HACE1: variants seen among roughly 807,000 people sequenced by gnomAD.
The protein encoded by HACE1 is E3 ubiquitin-protein ligase HACE1.
Under a neutral mutation model 118.4 loss-of-function variants are expected in HACE1, and 73 were observed. That is an observed-to-expected ratio of 0.62 (90% CI 0.51 to 0.75). The LOEUF (loss-of-function observed/expected upper bound fraction) is 0.75. HACE1 is among the 30% of genes least tolerant of loss of function. The pLI is 0.00. For missense variants in HACE1, 749 were observed against 1,102.2 expected (o/e 0.68, Z 4.54); for synonymous variants, 368 against 374.8 (o/e 0.98, Z 0.21).
Position 104,800,204 on chromosome 6 carries a change from G to A in HACE1, c.618-3179C>T, listed in dbSNP as rs970493939. On this transcript the variant is annotated intron_variant, in intron 7 of 23. Transcript: ENST00000262903. ...TGGGGCTTGAGTAGGTAAACAAAGC[G>A]ACAGGGAAGCTCAAACTAGGCGGAG... Among the ~76,000 whole-genome samples the A allele has an allele frequency of 3.9e-5, 6 of 152,080 alleles. No homozygotes were observed. In the East Asian group the frequency reaches 7.8e-4, roughly 20 times the overall value.
intron 6 of HACE1, among the ~76,000 whole-genome samples, chr6:104,816,661 C>A (rs973917416): frequency 3.3e-5 from 5 of 152,168 alleles, no homozygotes; most frequent in African/African-American, 9.7e-5. Flanking sequence ...GAACCCCATA[C>A]AGGGCACTGT....
chr6:104,730,744 G>A (rs1775112772), intron 22 of HACE1: 1 of 305,432 alleles, frequency 3.3e-6, no homozygotes, highest in Non-Finnish European at 6.3e-6. Context: ...TGATTTGAGG[G>A]CCCAAACAAG....
chr6:104,736,145 T>A (rs1267334694), intron 22 of HACE1, among the ~76,000 whole-genome samples: 1 of 151,774 alleles, frequency 6.6e-6, no homozygotes, highest in Non-Finnish European at 1.5e-5. Flanking sequence ...TATTTTTTCA[T>A]CCTTTTTATT....
chr6:104,730,312 G>C lies in HACE1; in HGVS notation c.2618C>G (p.Ser873Ter). ...VPYTPNLLPT[S>*]STCINMLKLP... ...AACCAAGTCAACATACCATGTGCTTGAAGTTGGTAAAAGATTTGGAGTATA... is the reference window on the plus strand; with the variant it reads ...AACCAAGTCAACATACCATGTGCTTCAAGTTGGTAAAAGATTTGGAGTATA... The change falls in exon 23 of 24, where the codon TCA (serine) becomes TGA (stop). Residue 873 changes from serine to a stop codon, truncating the protein, a stop_gained. Transcript: ENST00000262903. LOFTEE classifies it high-confidence loss of function. The C allele has an allele frequency of 6.8e-7, 1 of 1,471,674 alleles. No individual in the cohort carries two copies. Among genetic ancestry groups the C allele is most frequent in the South Asian group, 1.1e-5 (1 of 88,284 alleles). The allele number at this position is 1,471,674 out of a possible 1,614,324, so 91.2% of individuals were successfully genotyped here.
At position 104,802,327 on chromosome 6, in the gene HACE1, G is replaced by T. The variant is rs143724149; in HGVS notation, c.618-5302C>A. ...GATCAACATGACAGAAGGCTAACAA[G>T]GATATCCAGGAATTGAACTCAGCTC... On this transcript the variant is annotated intron_variant, in intron 7 of 23. Transcript: ENST00000262903. 5.2e-3 allele frequency among the ~76,000 whole-genome samples: 798 copies of T among 152,226 alleles called. 12 individuals are homozygous for T. Among genetic ancestry groups the T allele is most frequent in the African/African-American group, 0.018 (768 of 41,522 alleles).
At chr6:104,758,566 T>G (rs1287861682) in intron 19 of HACE1, among the ~76,000 whole-genome samples, 2 of 151,944 alleles carry the variant, frequency 1.3e-5, no homozygotes, top group African/African-American at 4.8e-5. Context: ...ACATGGAAAG[T>G]AACAACCGGT....
rs79936023 is a variant in HACE1, at chr6:104,814,806, C to T, written c.535-3413G>A. Among the ~76,000 whole-genome samples, 459 of 137,572 alleles carry T rather than the reference C, an allele frequency of 3.3e-3. 100 individuals carry two copies. Among genetic ancestry groups the T allele is most frequent in the African/African-American group, 0.013 (445 of 34,264 alleles). The allele number at this position is 137,572 out of a possible 152,430, so 90.3% of individuals were successfully genotyped here. ...CACATCCCCCCTCACGCTCTTTCTC[C>T]CTCTCTCCTGCCACCATCTGAAGAA... On this transcript the variant is annotated intron_variant, in intron 6 of 23. Transcript: ENST00000262903.
At chr6:104,852,284 T>G in intron 2 of HACE1, 33 bp downstream of exon 2, 1 of 1,550,020 alleles carries the variant, frequency 6.5e-7, no homozygotes, top group Non-Finnish European at 8.9e-7. Context: ...GTATGCTTCT[T>G]AAAAAGCAAA....
At chr6:104,784,653 T>C (rs1782150494) in intron 12 of HACE1, among the ~76,000 whole-genome samples, 168 bp from the exon 13 acceptor site, 1 of 152,138 alleles carries the variant, frequency 6.6e-6, no homozygotes, top group Non-Finnish European at 1.5e-5. Flanking sequence ...CCTAGCCAAT[T>C]TGTAAAATGA....
At chr6:104,854,689 A>C (rs772335573) in intron 1 of HACE1, among the ~76,000 whole-genome samples, 10 of 152,260 alleles carry the variant, frequency 6.6e-5, no homozygotes, top group Non-Finnish European at 1.3e-4. Flanking sequence ...TTATTTCAAG[A>C]TAATACAATA....
chr6:104,737,133 A>C (rs1456556292), intron 22 of HACE1, among the ~76,000 whole-genome samples: 16 of 151,512 alleles, frequency 1.1e-4, no homozygotes, highest in Middle Eastern at 6.8e-3. Flanking sequence ...AAAAAAAAAA[A>C]ATACAAAAAT....
At chr6:104,789,154 A>C (rs1471856205) in intron 11 of HACE1, among the ~76,000 whole-genome samples, 1 of 152,134 alleles carries the variant, frequency 6.6e-6, no homozygotes, top group Non-Finnish European at 1.5e-5. Flanking sequence ...GACAATGTAC[A>C]GTTTCTATTT....
At chr6:104,736,423 C>CTGT (rs1775841451) in intron 22 of HACE1, among the ~76,000 whole-genome samples, 1 of 151,936 alleles carries the variant, frequency 6.6e-6, no homozygotes, top group Non-Finnish European at 1.5e-5. Flanking sequence ...TAGCTGGGAC[C>CTGT]ACAGGCATGC....
chr6:104,729,614 G>T lies in HACE1; in HGVS notation c.*48C>A. ...GTTGACATTTTCCCAAATTACTTCTGCCATTCTGAATTGTGCATCAGTAGT... is the reference window on the plus strand; with the variant it reads ...GTTGACATTTTCCCAAATTACTTCTTCCATTCTGAATTGTGCATCAGTAGT... On this transcript the variant is annotated 3_prime_UTR_variant, in exon 24 of 24. Transcript: ENST00000262903. 1 of 919,784 alleles carries T rather than the reference G, an allele frequency of 1.1e-6. No homozygotes were observed. 57.0% of individuals were successfully genotyped at this position (919,784 alleles called of 1,614,324 possible).
chr6:104,754,650 G>T (rs956339357), intron 19 of HACE1, among the ~76,000 whole-genome samples: 1 of 152,168 alleles, frequency 6.6e-6, no homozygotes. Context: ...TTAAAGAAAA[G>T]AATTTCCAAC....
chr6:104,850,088 T>G (rs1241700472), intron 3 of HACE1, among the ~76,000 whole-genome samples: 4 of 152,058 alleles, frequency 2.6e-5, no homozygotes, highest in African/African-American at 9.6e-5. Context: ...TAGCTGGGAT[T>G]ACAGGCGCAC....
chr6:104,844,136 CAA>C (rs1775391211), intron 4 of HACE1, among the ~76,000 whole-genome samples: 1 of 145,210 alleles, frequency 6.9e-6, no homozygotes, highest in Middle Eastern at 3.7e-3. Flanking sequence ...CTCCCAGGTT[CAA>C]GTGATTCTCT....
rs1776098865 is a variant in HACE1, at chr6:104,737,859, T to C, written c.2513+6301A>G. On this transcript the variant is annotated intron_variant, in intron 22 of 23. Coordinates refer to ENST00000262903, the MANE Select transcript of HACE1 (RefSeq NM_020771.4). The stretch of plus-strand genomic sequence containing the variant: ...AGGAGGCCTGCCTGCCTCTGTAGGC[T>C]CCACCTCTGGGGGCAGGGCACAGAC... 3.9e-5 allele frequency among the ~76,000 whole-genome samples: 6 copies of C among 152,300 alleles called. No homozygotes were observed. The South Asian group carries it at 6.2e-4, about 16-fold the overall frequency.
At chr6:104,761,872 T>A (rs1779396199) in intron 19 of HACE1, among the ~76,000 whole-genome samples, 1 of 151,820 alleles carries the variant, frequency 6.6e-6, no homozygotes, top group Non-Finnish European at 1.5e-5. Context: ...AACAACCCCA[T>A]CAAAAAATGG....
Sources: gnomAD v4.1 joint callset for allele counts (sites outside exome capture counted in the v4.1 genomes callset) on GRCh38, gnomAD v4.1.1 for gene constraint, MANE v1.5 for transcripts, NCBI Gene and HGNC (gene_info 2026-07-23, HGNC 2026-07-21) for gene names.